The following FAM81A variants were observed in gnomAD, a reference collection of about 807,000 sequenced individuals.
FAM81A encodes the protein family with sequence similarity 81 member A, also known as protein FAM81A.
FAM81A carries 19 observed loss-of-function variants against 46.7 expected under a neutral mutation model. The observed-to-expected ratio is 0.41, with a 90% CI of 0.28 to 0.60. The LOEUF is 0.60. Ranked by LOEUF, FAM81A falls within the 20% of genes least tolerant of loss-of-function variation. The pLI is 0.34. For synonymous variants in FAM81A, 183 were observed against 152.9 expected (o/e 1.20, Z -1.45); for missense variants, 377 against 453.5 (o/e 0.83, Z 1.53).
At chr15:59,448,167 A>T (rs1268594934) in intron 1 of FAM81A, among the ~76,000 whole-genome samples, 1 of 152,134 alleles carries the variant, frequency 6.6e-6, no homozygotes, top group East Asian at 1.9e-4. Flanking sequence ...ATGTGAGGTC[A>T]GGCTTTTGAG....
chr15:59,514,145 G>A, intron 6 of FAM81A, 144 bp from the exon 7 acceptor site: 2 of 822,774 alleles, frequency 2.4e-6, no homozygotes, highest in Non-Finnish European at 3.6e-6. Flanking sequence ...CCTAGGTGAT[G>A]GGTTGACAGA....
intron 3 of FAM81A, among the ~76,000 whole-genome samples, chr15:59,475,960 C>G (rs1277390809): frequency 6.6e-6 from 1 of 152,124 alleles, no homozygotes; most frequent in Non-Finnish European, 1.5e-5. Flanking sequence ...GCTTAAACAA[C>G]AGAAATTTCT....
At chr15:59,475,175 C>G (rs368826972) in intron 3 of FAM81A, among the ~76,000 whole-genome samples, 1 of 151,504 alleles carries the variant, frequency 6.6e-6, no homozygotes, top group African/African-American at 2.4e-5. Context: ...GACAAGGTCT[C>G]ACTCCCTCAC....
At chr15:59,512,736 C>T (rs1320834248) in intron 6 of FAM81A, among the ~76,000 whole-genome samples, 2 of 152,098 alleles carry the variant, frequency 1.3e-5, no homozygotes, top group African/African-American at 4.8e-5. Flanking sequence ...ATCAGTGGTC[C>T]AGAGGAGACA....
Position 59,447,088 on chromosome 15 carries a change from A to C in FAM81A, c.-78+8806A>C, listed in dbSNP as rs2081361227. Among the ~76,000 whole-genome samples, 6 of 152,206 alleles carry C rather than the reference A, an allele frequency of 3.9e-5. No homozygotes were observed. The South Asian group carries it at 1.2e-3, about 31-fold the overall frequency. ...ATAAGGAAAAGCAGAATAAAAATGT[A>C]CCCAGTGCCACTATTTACATTTCAG... is the stretch of plus-strand genomic sequence containing the variant. On this transcript the variant is annotated intron_variant, in intron 1 of 8. Coordinates refer to ENST00000288228, the MANE Select transcript of FAM81A (RefSeq NM_152450.3).
intron 3 of FAM81A, among the ~76,000 whole-genome samples, chr15:59,485,156 C>T (rs544622542): frequency 6.6e-6 from 1 of 152,306 alleles, no homozygotes; most frequent in South Asian, 2.1e-4. Context: ...ACCTGGACAG[C>T]CTCTCTGGAC....
intron 2 of FAM81A, among the ~76,000 whole-genome samples, chr15:59,416,512 T>G (rs1353512154): frequency 7.9e-5 from 12 of 152,142 alleles, no homozygotes; most frequent in Non-Finnish European, 1.8e-4. Flanking sequence ...TCATTTGAGG[T>G]GTCAAGTCTT....
intron 1 of FAM81A, among the ~76,000 whole-genome samples, chr15:59,443,059 A>G (rs1403171540): frequency 3.3e-5 from 5 of 152,186 alleles, no homozygotes; most frequent in Admixed American, 3.3e-4. Flanking sequence ...CTTCATGGCA[A>G]AAGAGGAGAA....
chr15:59,456,961 T>TAA (rs1345190154), intron 1 of FAM81A, among the ~76,000 whole-genome samples: 1 of 152,222 alleles, frequency 6.6e-6, no homozygotes, highest in African/African-American at 2.4e-5. Context: ...CTTAATTACC[T>TAA]AATAGATGCC....
intron 2 of FAM81A, among the ~76,000 whole-genome samples, chr15:59,411,894 C>T (rs2081122184): frequency 6.6e-6 from 1 of 151,468 alleles, no homozygotes; most frequent in African/African-American, 2.4e-5. Flanking sequence ...GTCTCAACAA[C>T]AACAACAACA....
upstream of FAM81A, among the ~76,000 whole-genome samples, chr15:59,436,628 T>C (rs536296533): frequency 6.6e-6 from 1 of 152,222 alleles, no homozygotes; most frequent in South Asian, 2.1e-4. Context: ...TTTCCAGATG[T>C]TGTGGCCAGT....
intron 6 of FAM81A, 45 bp from the exon 7 acceptor site, chr15:59,514,244 A>G: frequency 6.7e-7 from 1 of 1,494,652 alleles, no homozygotes; most frequent in Non-Finnish European, 8.9e-7. Flanking sequence ...AAAAAAAATA[A>G]AAAATAAACT....
intron 6 of FAM81A, among the ~76,000 whole-genome samples, chr15:59,513,107 A>G (rs370231974): frequency 6.6e-6 from 1 of 152,238 alleles, no homozygotes; most frequent in Non-Finnish European, 1.5e-5. Context: ...ATTACATATT[A>G]TAATAAAAAC....
At chr15:59,502,052 A>G (rs1356247481) in intron 4 of FAM81A, among the ~76,000 whole-genome samples, 1 of 151,882 alleles carries the variant, frequency 6.6e-6, no homozygotes, top group Non-Finnish European at 1.5e-5. Context: ...TACAAAACTC[A>G]CCAATTGTTA....
chr15:59,400,291 G>A (rs1163440119), intron 1 of FAM81A, among the ~76,000 whole-genome samples: 2 of 151,860 alleles, frequency 1.3e-5, no homozygotes, highest in African/African-American at 4.8e-5. Context: ...CTCCCTCCCC[G>A]CCCACATCCA....
chr15:59,428,030 A>G (rs539423350), intron 2 of FAM81A, among the ~76,000 whole-genome samples: 5 of 152,370 alleles, frequency 3.3e-5, no homozygotes, highest in Non-Finnish European at 5.9e-5. Context: ...CCAACAGTGT[A>G]CGAGGATTCC....
At chr15:59,491,227 G>C (rs2081977355) in intron 3 of FAM81A, among the ~76,000 whole-genome samples, 1 of 152,192 alleles carries the variant, frequency 6.6e-6, no homozygotes, top group East Asian at 1.9e-4. Context: ...AGTGTATTCA[G>C]CCGTAAGAAA....
chr15:59,453,163 C>T (rs1276922931), intron 1 of FAM81A, among the ~76,000 whole-genome samples: 1 of 152,196 alleles, frequency 6.6e-6, no homozygotes, highest in East Asian at 1.9e-4. Context: ...GGAAGCTTAT[C>T]CAGTGTGCTA....
chr15:59,509,357 G>A (rs1399203287), intron 6 of FAM81A, among the ~76,000 whole-genome samples: 2 of 152,150 alleles, frequency 1.3e-5, no homozygotes, highest in African/African-American at 4.8e-5. Flanking sequence ...TGAAGGTTCG[G>A]TTCATGGTTG....
Sources: gnomAD v4.1 joint callset for allele counts (sites outside exome capture counted in the v4.1 genomes callset) on GRCh38, gnomAD v4.1.1 for gene constraint, MANE v1.5 for transcripts, NCBI Gene and HGNC (gene_info 2026-07-23, HGNC 2026-07-21) for gene names.